CNTNAP5: variants seen among roughly 807,000 people sequenced by gnomAD.
CNTNAP5 encodes contactin associated protein family member 5.
In CNTNAP5, 72 loss-of-function variants were observed where a neutral mutation model predicts 150.2. That is an observed-to-expected ratio of 0.48 (90% CI 0.40 to 0.58). The LOEUF is 0.58. CNTNAP5 is among the 20% of genes least tolerant of loss of function. CNTNAP5 has a pLI of 0.00. For synonymous variants in CNTNAP5, 672 were observed against 619.8 expected, an observed-to-expected ratio of 1.08 and a Z score of -1.25; for missense variants, 1,636 against 1,626.2, an observed-to-expected ratio of 1.01 and a Z score of -0.10.
At chr2:124,264,374 GCACACACACACACATACACACACACA>G (rs1340634180) in intron 3 of CNTNAP5, among the ~76,000 whole-genome samples, 3 of 50,166 alleles carry the variant, frequency 6.0e-5, no homozygotes, top group South Asian at 1.2e-3. Context: ...ACACACACAG[GCACACACACACACATACACACACACA>G]CACACACACA....
In CNTNAP5 at chr2:124,668,974, T is replaced by C. The variant is rs1287499063; in HGVS notation, c.2077+21016T>C. On this transcript the variant is annotated intron_variant, in intron 13 of 23. Transcript: ENST00000682447. ...TCACTCCTCTTCCCACTTCCAGAGG[T>C]GCCTTCTTCCTGCAGTCCTATTGGT... 3.9e-5 allele frequency among the ~76,000 whole-genome samples: 6 copies of C among 152,314 alleles called. No individual in the cohort carries two copies. The South Asian group carries it at 1.2e-3, about 32-fold the overall frequency.
intron 1 of CNTNAP5, among the ~76,000 whole-genome samples, chr2:124,162,835 G>T (rs372548111): frequency 4.7e-5 from 7 of 149,484 alleles, no homozygotes; most frequent in African/African-American, 1.5e-4. Context: ...GTATTTCAAG[G>T]CATGTTTTTT....
At chr2:124,117,058 TC>T (rs1683445289) in intron 1 of CNTNAP5, among the ~76,000 whole-genome samples, 1 of 152,218 alleles carries the variant, frequency 6.6e-6, no homozygotes, top group African/African-American at 2.4e-5. Context: ...TATCCTCCTC[TC>T]CTAACAGAGT....
At chr2:124,228,247 G>C (rs1018995931) in intron 2 of CNTNAP5, among the ~76,000 whole-genome samples, 3 of 152,140 alleles carry the variant, frequency 2.0e-5, no homozygotes, top group African/African-American at 7.2e-5. Context: ...AGGAGAGAGA[G>C]AGAAAATTCA....
chr2:124,295,254 G>A (rs769975192), intron 3 of CNTNAP5, among the ~76,000 whole-genome samples: 10 of 95,074 alleles, frequency 1.1e-4, no homozygotes, highest in African/African-American at 3.3e-4. Flanking sequence ...AATTTGGATC[G>A]CTACTAACTC....
intron 1 of CNTNAP5, among the ~76,000 whole-genome samples, chr2:124,063,082 T>C (rs1156573245): frequency 6.6e-6 from 1 of 152,116 alleles, no homozygotes; most frequent in African/African-American, 2.4e-5. Flanking sequence ...AAATTGGTTA[T>C]GTTGTTCCAG....
intron 1 of CNTNAP5, among the ~76,000 whole-genome samples, chr2:124,072,000 G>A (rs962355263): frequency 5.3e-5 from 8 of 151,948 alleles, no homozygotes; most frequent in South Asian, 2.1e-4. Context: ...CTAGCAAACC[G>A]AATTCCACAA....
chr2:124,047,931 T>C (rs1002298536), intron 1 of CNTNAP5, among the ~76,000 whole-genome samples: 4 of 152,128 alleles, frequency 2.6e-5, no homozygotes, highest in African/African-American at 9.7e-5. Flanking sequence ...ACTGCTCCTC[T>C]AGCACAAGCA....
chr2:124,574,177 C>A (rs1480389126), intron 11 of CNTNAP5, among the ~76,000 whole-genome samples: 1 of 152,122 alleles, frequency 6.6e-6, no homozygotes, highest in Non-Finnish European at 1.5e-5. Context: ...ACCAGTAGAA[C>A]CCCGGTGGCA....
intron 1 of CNTNAP5, among the ~76,000 whole-genome samples, chr2:124,035,869 C>T (rs1233203115): frequency 1.3e-5 from 2 of 148,866 alleles, no homozygotes; most frequent in East Asian, 2.0e-4. Context: ...TCTCTCTCCT[C>T]ATCTCAGAAC....
chr2:124,389,594 C>T (rs546854224), intron 3 of CNTNAP5, among the ~76,000 whole-genome samples: 2 of 152,154 alleles, frequency 1.3e-5, no homozygotes, highest in Non-Finnish European at 2.9e-5. Context: ...ACACAATAAA[C>T]AAGGCATGTC....
At chr2:124,028,402 C>T (rs1459893962) in intron 1 of CNTNAP5, among the ~76,000 whole-genome samples, 2 of 151,596 alleles carry the variant, frequency 1.3e-5, no homozygotes, top group Non-Finnish European at 2.9e-5. Context: ...GAATGCTTGC[C>T]CAATTATAGA....
intron 1 of CNTNAP5, among the ~76,000 whole-genome samples, chr2:124,102,847 G>T (rs533985549): frequency 6.6e-6 from 1 of 152,272 alleles, no homozygotes; most frequent in Admixed American, 6.5e-5. Context: ...TTAAGACAGT[G>T]GTTGGTACAT....
intron 1 of CNTNAP5, among the ~76,000 whole-genome samples, chr2:124,160,209 C>T (rs1684642993): frequency 6.6e-6 from 1 of 152,040 alleles, no homozygotes; most frequent in African/African-American, 2.4e-5. Flanking sequence ...AAGTTTCAGT[C>T]AGATGTCAAG....
chr2:124,363,211 A>G (rs1214974976), intron 3 of CNTNAP5, among the ~76,000 whole-genome samples: 1 of 152,138 alleles, frequency 6.6e-6, no homozygotes, highest in South Asian at 2.1e-4. Context: ...TTCTTCAGTT[A>G]CTTCTTGGAC....
chr2:124,220,490 G>A (rs1006267298), intron 1 of CNTNAP5, among the ~76,000 whole-genome samples: 2 of 152,032 alleles, frequency 1.3e-5, no homozygotes, highest in Admixed American at 1.3e-4. Context: ...CAAAATGTGT[G>A]TCACCCAATG....
At chr2:124,170,574 C>T (rs1328796475) in intron 1 of CNTNAP5, among the ~76,000 whole-genome samples, 1 of 152,190 alleles carries the variant, frequency 6.6e-6, no homozygotes, top group African/African-American at 2.4e-5. Flanking sequence ...AGATAAACTA[C>T]AGGGCCTTTT....
intron 18 of CNTNAP5, among the ~76,000 whole-genome samples, chr2:124,797,560 G>A (rs764684288): frequency 1.8e-4 from 28 of 152,110 alleles, no homozygotes; most frequent in African/African-American, 4.6e-4. Flanking sequence ...TGCTGTTTTC[G>A]TTGTTCTTCA....
chr2:124,578,156 C>CAAAAAAAAAAAAA (rs556786620), intron 11 of CNTNAP5, among the ~76,000 whole-genome samples: 1 of 69,496 alleles, frequency 1.4e-5, no homozygotes, highest in African/African-American at 5.5e-5. Context: ...ACTAAAAATA[C>CAAAAAAAAAAAAA]AAAAAAAAAA....
Sources: gnomAD v4.1 joint callset for allele counts (sites outside exome capture counted in the v4.1 genomes callset) on GRCh38, gnomAD v4.1.1 for gene constraint, MANE v1.5 for transcripts, NCBI Gene and HGNC (gene_info 2026-07-23, HGNC 2026-07-21) for gene names.